The following SLC2A1 variants were observed in gnomAD, a reference collection of about 807,000 sequenced individuals.
SLC2A1 encodes the protein solute carrier family 2 member 1, also known as solute carrier family 2, facilitated glucose transporter member 1.
A neutral mutation model predicts 46.6 loss-of-function variants in SLC2A1; 4 were observed. That is an observed-to-expected ratio of 0.09 (90% CI 0.04 to 0.20). The LOEUF (loss-of-function observed/expected upper bound fraction) is 0.20. SLC2A1 is among the 10% of genes least tolerant of loss of function. SLC2A1 has a pLI of 1.00. For synonymous variants in SLC2A1, 253 were observed against 270.0 expected (o/e 0.94, Z 0.62); for missense variants, 352 against 667.0 (o/e 0.53, Z 5.20).
At chr1:42,935,085 G>A (rs1027506366) in intron 2 of SLC2A1, among the ~76,000 whole-genome samples, 9 of 152,120 alleles carry the variant, frequency 5.9e-5, no homozygotes, top group African/African-American at 1.2e-4. Context: ...GGCGGCAAGC[G>A]TGTTGAGGAG....
In SLC2A1 at chr1:42,937,985, T is replaced by C. The variant is rs139378458; in HGVS notation, c.114+5241A>G. ...TTCCTCCTTTGTCAAACAAGGAGTG[T>C]TGTTTGTCAAACAACTGAGGCCTTT... On this transcript the variant is annotated intron_variant, in intron 2 of 9. Coordinates refer to ENST00000426263, the MANE Select transcript of SLC2A1 (RefSeq NM_006516.4). Among the ~76,000 whole-genome samples the C allele has an allele frequency of 3.1e-3, 465 of 152,270 alleles. 1 individual carries two copies. The highest frequency in any genetic ancestry group is 0.024 in the Middle Eastern group (7 of 294).
chr1:42,955,364 T>G (rs1643761167), intron 1 of SLC2A1, among the ~76,000 whole-genome samples: 1 of 152,150 alleles, frequency 6.6e-6, no homozygotes, highest in African/African-American at 2.4e-5. Flanking sequence ...ATCCCAACAC[T>G]TTGGGAGGCT....
At chr1:42,928,855 C>G in intron 8 of SLC2A1, 77 bp downstream of exon 8, 1 of 1,311,368 alleles carries the variant, frequency 7.6e-7, no homozygotes, top group Non-Finnish European at 1.1e-6. Flanking sequence ...CAGCCTGGGG[C>G]TGAGACAGGC....
At chr1:42,953,180 T>C (rs954694289) in intron 1 of SLC2A1, among the ~76,000 whole-genome samples, 2 of 152,226 alleles carry the variant, frequency 1.3e-5, no homozygotes, top group African/African-American at 4.8e-5. Context: ...AGCTGAGGCC[T>C]GGCAAGAGCT....
chr1:42,943,666 T>C lies in SLC2A1; in HGVS notation c.19-345A>G, dbSNP rs1225728594. Among the ~76,000 whole-genome samples the C allele has an allele frequency of 2.0e-5, 3 of 152,136 alleles. No individual in the cohort carries two copies. In the East Asian group the frequency reaches 5.8e-4, roughly 29 times the overall value. ...GTCTGGTGGTTCTAGACTCTCTGACTGGGAGGCCCAGGAACCAGCCCTCCT... is the reference window on the plus strand; with the variant it reads ...GTCTGGTGGTTCTAGACTCTCTGACCGGGAGGCCCAGGAACCAGCCCTCCT... On this transcript the variant is annotated intron_variant, in intron 1 of 9. Transcript: ENST00000426263.
chr1:42,958,351 G>A (rs1302040940), intron 1 of SLC2A1, among the ~76,000 whole-genome samples: 1 of 151,020 alleles, frequency 6.6e-6, no homozygotes, highest in Non-Finnish European at 1.5e-5. Context: ...AGGGCCGCGT[G>A]GACGGCGCGG....
intron 2 of SLC2A1, among the ~76,000 whole-genome samples, chr1:42,932,342 A>T (rs536853613): frequency 6.7e-6 from 1 of 149,708 alleles, no homozygotes; most frequent in African/African-American, 2.5e-5. Flanking sequence ...CACTCACCAC[A>T]CTCTCAGTGC....
At position 42,927,371 on chromosome 1, in the gene SLC2A1, C is replaced by A. The variant is rs1183133953; in HGVS notation, c.1279-130G>T. ...ACATCCACCTACCCAGGGATGCTAT[C>A]ATAATTAACTGAGACCACGCTTGTA... On this transcript the variant is annotated intron_variant, in intron 9 of 9. Coordinates refer to ENST00000426263, the MANE Select transcript of SLC2A1 (RefSeq NM_006516.4). The surrounding 1 kb of genome is among the most constrained non-coding windows in gnomAD (Gnocchi z 5.3). The A allele has an allele frequency of 8.8e-6, 8 of 912,794 alleles. No homozygotes were observed. In the East Asian group the frequency reaches 1.8e-4, roughly 21 times the overall value. 56.5% of individuals were successfully genotyped at this position (912,794 alleles called of 1,614,324 possible).
intron 2 of SLC2A1, among the ~76,000 whole-genome samples, chr1:42,935,321 G>A (rs1318546504): frequency 6.6e-6 from 1 of 152,176 alleles, no homozygotes; most frequent in African/African-American, 2.4e-5. Flanking sequence ...CTCCTGGGGT[G>A]AGGGGGAGGC....
chr1:42,953,740 T>TTCAA (rs1643746433), intron 1 of SLC2A1, among the ~76,000 whole-genome samples: 8 of 152,166 alleles, frequency 5.3e-5, no homozygotes, highest in Non-Finnish European at 7.3e-5. Flanking sequence ...CAGGAGGCAC[T>TTCAA]GGGCAAAGCT....
At position 42,930,170 on chromosome 1, in the gene SLC2A1, C is replaced by A; in HGVS notation, c.517-135G>T. On this transcript the variant is annotated intron_variant, in intron 4 of 9. Coordinates refer to ENST00000426263, the MANE Select transcript of SLC2A1 (RefSeq NM_006516.4). This position sits in a 1 kb window ranked among gnomAD's most constrained non-coding sequence, Gnocchi z 6.2. ...CCAGTTCTAGAGGCTCTGCCACTAG[C>A]ATGAGCCCTGTTTCTCAGTTTCCTC... is the stretch of plus-strand genomic sequence containing the variant. The A allele has an allele frequency of 1.1e-6, 1 of 948,634 alleles. No homozygotes were observed. Among genetic ancestry groups the A allele is most frequent in the Non-Finnish European group, 1.6e-6 (1 of 606,142 alleles). The allele number at this position is 948,634 out of a possible 1,614,324, so 58.8% of individuals were successfully genotyped here.
intron 1 of SLC2A1, among the ~76,000 whole-genome samples, chr1:42,957,313 G>A (rs1376517017): frequency 6.6e-6 from 1 of 152,198 alleles, no homozygotes; most frequent in African/African-American, 2.4e-5. Context: ...TCAAGCGAGG[G>A]CCCAGGAAGG....
intron 1 of SLC2A1, among the ~76,000 whole-genome samples, chr1:42,947,567 CACACACACACACACAAAAAAAAAAA>C (rs1643669801): frequency 1.0e-5 from 1 of 96,604 alleles, no homozygotes; most frequent in Non-Finnish European, 1.9e-5. Flanking sequence ...ACTAAAATTA[CACACACACACACACAAAAAAAAAAA>C]AAAAAAAAAA....
chr1:42,936,042 G>A (rs1054090139), intron 2 of SLC2A1, among the ~76,000 whole-genome samples: 2 of 152,058 alleles, frequency 1.3e-5, no homozygotes, highest in Non-Finnish European at 2.9e-5. Context: ...GCCAACCCTT[G>A]ATCTAGGATT....
At chr1:42,943,555 ATCT>A in intron 1 of SLC2A1, among the ~76,000 whole-genome samples, 1 of 151,830 alleles carries the variant, frequency 6.6e-6, no homozygotes, top group South Asian at 2.1e-4. Flanking sequence ...GGGAAGTATG[ATCT>A]TCTCTCTCTG....
chr1:42,958,138 C>A (rs528044564), intron 1 of SLC2A1, among the ~76,000 whole-genome samples: 4 of 152,238 alleles, frequency 2.6e-5, no homozygotes, highest in South Asian at 4.1e-4. Flanking sequence ...GGCGTCCGGG[C>A]TAGGGGAGCA....
At position 42,925,940 on chromosome 1, in the gene SLC2A1, G is replaced by T. The variant is rs998484867; in HGVS notation, c.*1101C>A. ...AACACCAACTATCAAATATGTGATAGAAATGCCTTGAATGTCAAGATAAAG... is the reference window on the plus strand; with the variant it reads ...AACACCAACTATCAAATATGTGATATAAATGCCTTGAATGTCAAGATAAAG... On this transcript the variant is annotated 3_prime_UTR_variant, in exon 10 of 10. Coordinates refer to ENST00000426263, the MANE Select transcript of SLC2A1 (RefSeq NM_006516.4). 6.6e-6 allele frequency: 1 copy of T among 152,220 alleles called. No homozygotes were observed. The highest frequency in any genetic ancestry group is 1.5e-5 in the Non-Finnish European group (1 of 68,036). 9.4% of individuals were successfully genotyped at this position (152,220 alleles called of 1,614,324 possible).
In SLC2A1 at chr1:42,929,328, G is replaced by GA. The variant is rs1643462036; in HGVS notation, c.868-15dup. The GA allele has an allele frequency of 6.3e-7, 1 of 1,596,266 alleles. No individual in the cohort carries two copies. Among genetic ancestry groups the GA allele is most frequent in the South Asian group, 1.1e-5 (1 of 89,108 alleles). ...GTAATAGAAGACCTGCCAGACAAGA[G>GA]AAACTGTTGGGGCCTACCTGGACAT... On this transcript the variant is annotated splice_polypyrimidine_tract_variant and intron_variant, in intron 6 of 9. Coordinates refer to ENST00000426263, the MANE Select transcript of SLC2A1 (RefSeq NM_006516.4). This position sits in a 1 kb window ranked among gnomAD's most constrained non-coding sequence, Gnocchi z 6.0.
At chr1:42,952,052 G>T in intron 1 of SLC2A1, 1 of 432,526 alleles carries the variant, frequency 2.3e-6, no homozygotes. Flanking sequence ...GATATCCACA[G>T]CATGGGGCAG....
Sources: allele counts gnomAD v4.1 joint callset (sites outside exome capture counted in the v4.1 genomes callset), GRCh38; gene constraint gnomAD v4.1.1; non-coding constraint Gnocchi (gnomAD v3.1); transcripts MANE v1.5; gene names NCBI Gene and HGNC (gene_info 2026-07-23, HGNC 2026-07-21).